The following ASXL1 variants were observed in gnomAD, a reference collection of about 807,000 sequenced individuals.
ASXL1 encodes the protein ASXL transcriptional regulator 1.
A neutral mutation model predicts 89.1 loss-of-function variants in ASXL1; 65 were observed. The observed-to-expected ratio is 0.73, with a 90% CI of 0.60 to 0.90. The LOEUF (loss-of-function observed/expected upper bound fraction) is 0.90, where lower values mean the gene tolerates loss of function less well. Among genes scored for constraint, ASXL1 ranks in the 40% least tolerant of loss-of-function variants. The probability of loss-of-function intolerance (pLI) is 0.00; values close to 1 mark genes in which losing one functional copy is unlikely to be tolerated. For missense variants in ASXL1, 1,786 were observed against 1,942.9 expected (o/e 0.92, Z 1.52); for synonymous variants, 739 against 746.9 (o/e 0.99, Z 0.17).
At position 32,433,830 on chromosome 20, in the gene ASXL1, T is replaced by TA; in HGVS notation, c.1632_1633insA (p.Arg545ThrfsTer6). 6.2e-7 allele frequency: 1 copy of TA among 1,614,070 alleles called. No individual in the cohort carries two copies. The highest frequency in any genetic ancestry group is 8.5e-7 in the Non-Finnish European group (1 of 1,180,042). The stretch of plus-strand genomic sequence containing the variant: ...CCGAAAAGAAGCCCCGGCTTGAAGA[T>TA]CGTCAGTCCTTTCGTAACACAATTG... On this transcript the variant is annotated frameshift_variant, in exon 12 of 13. Coordinates refer to ENST00000375687, the MANE Select transcript of ASXL1 (RefSeq NM_015338.6). LOFTEE classifies it high-confidence loss of function.
At chr20:32,427,957 A>G in intron 4 of ASXL1, 171 bp from the exon 5 acceptor site, 1 of 898,596 alleles carries the variant, frequency 1.1e-6, no homozygotes, top group Non-Finnish European at 1.7e-6. Context: ...AACTTTCTTA[A>G]TGATATATTT....
In ASXL1 at chr20:32,438,028, T is replaced by C. The variant is rs969488168; in HGVS notation, c.*690T>C. On this transcript the variant is annotated 3_prime_UTR_variant, in exon 13 of 13. Coordinates refer to ENST00000375687, the MANE Select transcript of ASXL1 (RefSeq NM_015338.6). The stretch of plus-strand genomic sequence containing the variant: ...GGTTGGGGAATAGGGTTGTCTTTCC[T>C]ATGAAAATGCCATCTGTAGACCTTG... 3 of 233,764 alleles carry C rather than the reference T, an allele frequency of 1.3e-5. No homozygotes were observed. Among genetic ancestry groups the C allele is most frequent in the Admixed American group, 5.6e-5 (1 of 17,820 alleles). The allele number at this position is 233,764 out of a possible 1,614,324, so 14.5% of individuals were successfully genotyped here.
intron 4 of ASXL1, among the ~76,000 whole-genome samples, chr20:32,424,363 C>T (rs1223982492): frequency 6.6e-6 from 1 of 152,062 alleles, no homozygotes; most frequent in African/African-American, 2.4e-5. Flanking sequence ...GGTGAAACCC[C>T]ATATCTACTA....
intron 11 of ASXL1, 60 bp from the exon 12 acceptor site, chr20:32,433,224 T>C (rs2123250641): frequency 4.3e-6 from 7 of 1,610,302 alleles, no homozygotes; most frequent in Non-Finnish European, 5.1e-6. Flanking sequence ...ATATTATTCA[T>C]AGAAATAAGA....
chr20:32,372,853 A>T (rs1020534438), intron 4 of ASXL1, among the ~76,000 whole-genome samples: 1 of 150,878 alleles, frequency 6.6e-6, no homozygotes, highest in Non-Finnish European at 1.5e-5. Context: ...TCGGCCTCCC[A>T]GAGTGCTGGG....
intron 4 of ASXL1, among the ~76,000 whole-genome samples, chr20:32,374,783 A>G (rs891333944): frequency 2.6e-5 from 4 of 152,198 alleles, no homozygotes; most frequent in Non-Finnish European, 4.4e-5. Context: ...GCTGATTACC[A>G]TCTTGGTCAC....
In ASXL1 at chr20:32,359,508, C is replaced by T. The variant is rs192563985; in HGVS notation, c.57+676C>T. The T allele has an allele frequency of 1.5e-3, 941 of 646,402 alleles. 3 individuals carry two copies. The highest frequency in any genetic ancestry group is 2.1e-3 in the Non-Finnish European group (743 of 357,806). The allele number at this position is 646,402 out of a possible 1,614,324, so 40.0% of individuals were successfully genotyped here. ...GATAGAGCCTGGGAATCTGCGCTTT[C>T]ACCAGCTTCCCAGGTGATTCAAACG... On this transcript the variant is annotated intron_variant, in intron 1 of 12. Coordinates refer to ENST00000375687, the MANE Select transcript of ASXL1 (RefSeq NM_015338.6).
At chr20:32,360,080 A>AG (rs2048084998) in intron 1 of ASXL1, 1 of 446,362 alleles carries the variant, frequency 2.2e-6, no homozygotes, top group African/African-American at 2.0e-5. Context: ...AAAAAAAAAA[A>AG]TAGACTGTAT....
chr20:32,437,156 G>A lies in ASXL1; in HGVS notation c.4444G>A (p.Ala1482Thr), dbSNP rs1292214111. The A allele has an allele frequency of 1.2e-6, 2 of 1,614,164 alleles. No individual in the cohort carries two copies. Among genetic ancestry groups the A allele is most frequent in the South Asian group, 1.1e-5 (1 of 91,082 alleles). The change falls in exon 13 of 13, where the codon GCG becomes ACG. Residue 1482 changes from alanine (A) to threonine (T), a missense_variant. Ala to Thr is a moderately conservative substitution (Grantham distance 58). Transcript: ENST00000375687. Reference protein sequence around the residue: ...VQLSHKANFGASHSASLSLQM... With the variant: ...VQLSHKANFGTSHSASLSLQM... ...GCTGAGCCACAAAGCAAACTTTGGT[G>A]CGAGCCACAGTGCATCACTTTCCTT...
In ASXL1 at chr20:32,438,482, C is replaced by T. The variant is rs2012053234; in HGVS notation, c.*1144C>T. ...TGAGGGTGAAATGATTGACTTGTGA[C>T]CTGCCAGGTTGCCCGATGCCCTGTT... is the stretch of plus-strand genomic sequence containing the variant. On this transcript the variant is annotated 3_prime_UTR_variant, in exon 13 of 13. Transcript: ENST00000375687. 1 of 233,496 alleles carries T rather than the reference C, an allele frequency of 4.3e-6. No individual in the cohort carries two copies. The highest frequency in any genetic ancestry group is 8.5e-6 in the Non-Finnish European group (1 of 118,080). The allele number at this position is 233,496 out of a possible 1,614,324, so 14.5% of individuals were successfully genotyped here. A position where few individuals can be genotyped will look rare whatever the true frequency, so the allele number is the denominator to read the frequency against.
intron 4 of ASXL1, among the ~76,000 whole-genome samples, chr20:32,380,519 A>G (rs993332215): frequency 6.6e-6 from 1 of 152,204 alleles, no homozygotes; most frequent in African/African-American, 2.4e-5. Flanking sequence ...TGGGAGCCCA[A>G]GGTGGGAGAA....
In ASXL1 at chr20:32,429,272, G is replaced by A. The variant is rs543165926; in HGVS notation, c.472-66G>A. ...CAAGAGCGTGAGTAGAGATAGTGTCGCCAGGGAATGCTTTTGTGGCTCTGC... is the reference window on the plus strand; with the variant it reads ...CAAGAGCGTGAGTAGAGATAGTGTCACCAGGGAATGCTTTTGTGGCTCTGC... On this transcript the variant is annotated intron_variant, in intron 6 of 12. Transcript: ENST00000375687. The surrounding 1 kb of genome is among the most constrained non-coding windows in gnomAD (Gnocchi z 4.9). 33 of 1,481,078 alleles carry A rather than the reference G, an allele frequency of 2.2e-5. No homozygotes were observed. Among genetic ancestry groups the A allele is most frequent in the East Asian group, 1.2e-4 (5 of 42,874 alleles). The allele number at this position is 1,481,078 out of a possible 1,614,324, so 91.7% of individuals were successfully genotyped here.
Position 32,411,044 on chromosome 20 carries a change from AAATAAAAAAAAT to A in ASXL1, c.253-17081_253-17070del, listed in dbSNP as rs1333354320. The stretch of plus-strand genomic sequence containing the variant: ...AAGACTCTGTCTCAAAAAAAAAAAA[AAATAAAAAAAAT>A]AAAAAAAAATTAGTACTCTGAGAGT... On this transcript the variant is annotated intron_variant, in intron 4 of 12. Coordinates refer to ENST00000375687, the MANE Select transcript of ASXL1 (RefSeq NM_015338.6). 2.4e-4 allele frequency among the ~76,000 whole-genome samples: 13 copies of A among 53,858 alleles called. 3 individuals are homozygous for A. Among genetic ancestry groups the A allele is most frequent in the African/African-American group, 4.6e-4 (8 of 17,566 alleles). 35.3% of individuals were successfully genotyped at this position (53,858 alleles called of 152,430 possible).
At chr20:32,399,343 CT>C (rs994571899) in intron 4 of ASXL1, among the ~76,000 whole-genome samples, 9 of 150,574 alleles carry the variant, frequency 6.0e-5, no homozygotes, top group Admixed American at 2.7e-4. Context: ...ATTTTGCATG[CT>C]TTTTTTTTCC....
chr20:32,395,651 A>G (rs958034055), intron 4 of ASXL1, among the ~76,000 whole-genome samples: 6 of 152,058 alleles, frequency 3.9e-5, no homozygotes, highest in African/African-American at 1.4e-4. Context: ...TAGTCATACA[A>G]CTCACTGATG....
intron 4 of ASXL1, among the ~76,000 whole-genome samples, chr20:32,381,754 T>C (rs545815364): frequency 7.2e-5 from 11 of 152,170 alleles, no homozygotes; most frequent in African/African-American, 2.6e-4. Flanking sequence ...GACCTCGTGA[T>C]CCACCCACCT....
intron 4 of ASXL1, among the ~76,000 whole-genome samples, chr20:32,382,032 G>A (rs1428751279): frequency 6.9e-6 from 1 of 144,014 alleles, no homozygotes; most frequent in African/African-American, 2.6e-5. Flanking sequence ...CTCAGCTAAC[G>A]GCAACCTCCA....
At chr20:32,417,731 A>AT (rs999714600) in intron 4 of ASXL1, among the ~76,000 whole-genome samples, 88 of 147,638 alleles carry the variant, frequency 6.0e-4, no homozygotes, top group Middle Eastern at 3.5e-3. Context: ...TTTAAAAAAA[A>AT]TTTTTTTTTT....
chr20:32,419,448 C>T (rs367659430), intron 4 of ASXL1, among the ~76,000 whole-genome samples: 213 of 152,166 alleles, frequency 1.4e-3, no homozygotes, highest in African/African-American at 4.8e-3. Context: ...AAGTGATCCT[C>T]CTTCCTCAGC....
Sources: gnomAD v4.1 joint callset for allele counts (sites outside exome capture counted in the v4.1 genomes callset) on GRCh38, gnomAD v4.1.1 for gene constraint, Gnocchi (gnomAD v3.1) non-coding constraint, MANE v1.5 for transcripts, NCBI Gene and HGNC (gene_info 2026-07-23, HGNC 2026-07-21) for gene names.